The following UBE4B variants were observed in gnomAD, a reference collection of about 807,000 sequenced individuals.
UBE4B encodes the protein ubiquitination factor E4B.
In UBE4B, 27 loss-of-function variants were observed where a neutral mutation model predicts 148.1. That is an observed-to-expected ratio of 0.18 (90% CI 0.13 to 0.25). The LOEUF is 0.25. UBE4B is among the 10% of genes least tolerant of loss of function. The probability of loss-of-function intolerance (pLI) is 1.00; values close to 1 mark genes in which losing one functional copy is unlikely to be tolerated. For missense variants in UBE4B, 1,170 were observed against 1,662.4 expected (o/e 0.70, Z 5.15); for synonymous variants, 596 against 619.3 (o/e 0.96, Z 0.56).
chr1:10,050,043 T>TA (rs1644001533), intron 1 of UBE4B, among the ~76,000 whole-genome samples: 1 of 152,064 alleles, frequency 6.6e-6, no homozygotes, highest in South Asian at 2.1e-4. Flanking sequence ...AGATGGCAAA[T>TA]ATGGGATATT....
rs112042106 is a variant in UBE4B at position 10,105,562 on chromosome 1, G to A, written c.627G>A (p.Val209=). ...KDLIGQILME[V]LMMSTQTRDE... ...TGATTGGCCAGATTTTAATGGAAGT[G>A]CTAATGATGTCCACTCAGACCAGAG... The change falls in exon 6 of 28, where the codon GTG becomes GTA. Residue 209 remains valine, a synonymous_variant. Coordinates refer to ENST00000343090, the MANE Select transcript of UBE4B (RefSeq NM_001105562.3). 2 of 1,614,196 alleles carry A rather than the reference G, an allele frequency of 1.2e-6. No individual in the cohort carries two copies. The highest frequency in any genetic ancestry group is 1.1e-5 in the South Asian group (1 of 91,088).
intron 1 of UBE4B, among the ~76,000 whole-genome samples, chr1:10,039,014 T>C (rs780899441): frequency 6.6e-6 from 1 of 151,970 alleles, no homozygotes; most frequent in Non-Finnish European, 1.5e-5. Context: ...GAGCCGAGAT[T>C]GCGCCACTGT....
intron 10 of UBE4B, among the ~76,000 whole-genome samples, chr1:10,122,393 A>G (rs1035091600): frequency 6.6e-6 from 1 of 152,254 alleles, no homozygotes; most frequent in East Asian, 1.9e-4. Context: ...CAGAGACGGC[A>G]TAAGGCATGA....
chr1:10,095,629 T>C (rs751740587), intron 3 of UBE4B, 33 bp downstream of exon 3: 3 of 1,613,266 alleles, frequency 1.9e-6, no homozygotes, highest in East Asian at 2.2e-5. Context: ...ATATGCTCTT[T>C]TATTTAGGGA....
rs904819761 is a variant in UBE4B at position 10,180,685 on chromosome 1, G to A, written c.*729G>A. ...TAAACAAAATAAAGAAAATCCTGCTGCTCTGGTCCTTGTGATAAGCCTCTC... is the reference window on the plus strand; with the variant it reads ...TAAACAAAATAAAGAAAATCCTGCTACTCTGGTCCTTGTGATAAGCCTCTC... On this transcript the variant is annotated 3_prime_UTR_variant, in exon 28 of 28. Coordinates refer to ENST00000343090, the MANE Select transcript of UBE4B (RefSeq NM_001105562.3). 1 of 151,848 alleles carries A rather than the reference G, an allele frequency of 6.6e-6. No individual in the cohort carries two copies. The highest frequency in any genetic ancestry group is 1.5e-5 in the Non-Finnish European group (1 of 67,974). The allele number at this position is 151,848 out of a possible 1,614,324, so 9.4% of individuals were successfully genotyped here.
At chr1:10,111,524 C>G (rs927682826) in intron 7 of UBE4B, among the ~76,000 whole-genome samples, 1 of 152,152 alleles carries the variant, frequency 6.6e-6, no homozygotes, top group Non-Finnish European at 1.5e-5. Flanking sequence ...GCACGCACAC[C>G]GTCGTTCTTC....
At chr1:10,078,974 G>C (rs1449665122) in intron 2 of UBE4B, among the ~76,000 whole-genome samples, 1 of 152,104 alleles carries the variant, frequency 6.6e-6, no homozygotes, top group Non-Finnish European at 1.5e-5. Context: ...GCGCCACCAT[G>C]CCTGGCTAAT....
In UBE4B at chr1:10,105,693, C is replaced by G; in HGVS notation, c.758C>G (p.Thr253Arg). 1 of 1,614,220 alleles carries G rather than the reference C, an allele frequency of 6.2e-7. No individual in the cohort carries two copies. Among genetic ancestry groups the G allele is most frequent in the South Asian group, 1.1e-5 (1 of 91,080 alleles). ...CTAAACACTGGCTCCAATCCAGGAA[C>G]AAGCCCCATGTTCTGCAGCGTGGCT... is the stretch of plus-strand genomic sequence containing the variant. ...LLLNTGSNPGTSPMFCSVASF... is the reference protein window; with the variant it reads ...LLLNTGSNPGRSPMFCSVASF... Residue 253 changes from threonine to arginine, a missense_variant, in exon 6 of 28, where the codon ACA becomes AGA. Thr to Arg is a moderately conservative substitution (Grantham distance 71, BLOSUM62 -1). This residue lies in a region of UBE4B where 214 missense variants were observed against 209.1 expected (regional missense o/e 1.02). Transcript: ENST00000343090.
At chr1:10,101,744 A>G (rs989575623) in intron 4 of UBE4B, among the ~76,000 whole-genome samples, 1 of 151,970 alleles carries the variant, frequency 6.6e-6, no homozygotes, top group Non-Finnish European at 1.5e-5. Flanking sequence ...TATTGACCTT[A>G]TGATCCACCT....
At chr1:10,158,305 TG>T (rs779420529) in intron 21 of UBE4B, 50 bp from the exon 22 acceptor site, 4 of 1,592,728 alleles carry the variant, frequency 2.5e-6, no homozygotes, top group Non-Finnish European at 3.4e-6. Context: ...TAACTGGATT[TG>T]GAAAGCAAGA....
At chr1:10,150,813 T>A (rs1226115371) in intron 20 of UBE4B, among the ~76,000 whole-genome samples, 1 of 147,846 alleles carries the variant, frequency 6.8e-6, no homozygotes, top group African/African-American at 2.5e-5. Flanking sequence ...TGAGCCGAGA[T>A]TGTGCCACTG....
At chr1:10,127,573 A>G (rs1645522202) in intron 11 of UBE4B, among the ~76,000 whole-genome samples, 1 of 152,258 alleles carries the variant, frequency 6.6e-6, no homozygotes, top group Non-Finnish European at 1.5e-5. Flanking sequence ...TCGTTGCAGA[A>G]GTGTAAAGGA....
chr1:10,157,715 T>C (rs139552681), intron 21 of UBE4B, among the ~76,000 whole-genome samples: 3,054 of 152,206 alleles, frequency 0.02, 96 homozygotes, highest in African/African-American at 0.069. Context: ...AGGCAGAGGT[T>C]GCAGTGAGCT....
intron 2 of UBE4B, among the ~76,000 whole-genome samples, chr1:10,076,861 C>T (rs542488203): frequency 1.8e-3 from 278 of 151,262 alleles, no homozygotes; most frequent in Admixed American, 4.2e-3. Context: ...ATTCTCCTAC[C>T]TCAGCCTCCC....
intron 20 of UBE4B, among the ~76,000 whole-genome samples, chr1:10,150,927 C>T (rs1163472445): frequency 6.7e-6 from 1 of 149,210 alleles, no homozygotes; most frequent in African/African-American, 2.5e-5. Context: ...TTTGGGAGGT[C>T]GAGGCGGGCG....
At chr1:10,069,816 A>C (rs1445322174) in intron 1 of UBE4B, among the ~76,000 whole-genome samples, 1 of 152,098 alleles carries the variant, frequency 6.6e-6, no homozygotes, top group Admixed American at 6.6e-5. Flanking sequence ...TTTCATCCCC[A>C]TTGTACAGAT....
intron 3 of UBE4B, among the ~76,000 whole-genome samples, chr1:10,099,659 G>A (rs190026194): frequency 1.1e-4 from 16 of 152,258 alleles, no homozygotes; most frequent in African/African-American, 2.4e-4. Context: ...GCCAAGGATA[G>A]CAAAACCTCT....
rs748532186 is a variant in UBE4B, at chr1:10,158,461, G to T, written c.3032G>T (p.Gly1011Val). ...KSLWQNIAHH[G>V]TFMEEFNSGK... is the part of the protein sequence containing the mutation. ...CTTTGGCAAAACATAGCTCACCATG[G>T]CACCTTTATGGAGGAGTTCAAGTGA... Residue 1011 changes from glycine (G) to valine (V), a missense_variant, in exon 22 of 28, where the codon GGC becomes GTC. This residue lies in a region of UBE4B where 348 missense variants were observed against 627.2 expected (regional missense o/e 0.55). Transcript: ENST00000343090. 2 of 1,614,086 alleles carry T rather than the reference G, an allele frequency of 1.2e-6. No homozygotes were observed. Among genetic ancestry groups the T allele is most frequent in the South Asian group, 2.2e-5 (2 of 91,076 alleles).
chr1:10,076,685 A>T (rs1408947609), intron 2 of UBE4B, among the ~76,000 whole-genome samples: 1 of 149,566 alleles, frequency 6.7e-6, no homozygotes, highest in Non-Finnish European at 1.5e-5. Context: ...GCAAGGATTG[A>T]GAAGCTGTAG....
Sources: gnomAD v4.1 joint callset for allele counts (sites outside exome capture counted in the v4.1 genomes callset) on GRCh38, gnomAD v4.1.1 for gene constraint, gnomAD v4.1.1 regional missense constraint, MANE v1.5 for transcripts, NCBI Gene and HGNC (gene_info 2026-07-23, HGNC 2026-07-21) for gene names.